The following SC5D variants were observed in gnomAD, a reference collection of about 807,000 sequenced individuals.
SC5D encodes sterol-C5-desaturase, also known as lathosterol oxidase.
A neutral mutation model predicts 23.9 loss-of-function variants in SC5D; 21 were observed. That is an observed-to-expected ratio of 0.88 (90% CI 0.62 to 1.26). SC5D has a LOEUF of 1.26. SC5D is among the 50% of genes most tolerant of loss of function. The pLI, the probability that SC5D is intolerant of heterozygous loss-of-function variation, is 0.00. For synonymous variants in SC5D, 113 were observed against 125.9 expected (o/e 0.90, Z 0.68); for missense variants, 309 against 364.8 (o/e 0.85, Z 1.25).
chr11:121,307,604 C>T lies in SC5D; in HGVS notation c.*92C>T. On this transcript the variant is annotated 3_prime_UTR_variant, in exon 5 of 5. Coordinates refer to ENST00000264027, the MANE Select transcript of SC5D (RefSeq NM_006918.5). The stretch of plus-strand genomic sequence containing the variant: ...AAGGAAAAAATAATATCCATACAGT[C>T]AAGATACATAGTAAATGGTATCATT... 3.7e-6 allele frequency: 3 copies of T among 808,794 alleles called. No homozygotes were observed. Among genetic ancestry groups the T allele is most frequent in the Non-Finnish European group, 5.8e-6 (3 of 520,826 alleles). 50.1% of individuals were successfully genotyped at this position (808,794 alleles called of 1,614,324 possible).
Position 121,310,378 on chromosome 11 carries a change from T to A in SC5D, c.*2866T>A, listed in dbSNP as rs1343043109. Among the ~76,000 whole-genome samples the A allele has an allele frequency of 6.6e-6, 1 of 151,918 alleles. No individual in the cohort carries two copies. The highest frequency in any genetic ancestry group is 1.5e-5 in the Non-Finnish European group (1 of 67,998). ...TAGAGGTGGGGCCTTGAGGAAGTGATTAAGTCATGAGGGCTCTGGGATTAA... is the reference window on the plus strand; with the variant it reads ...TAGAGGTGGGGCCTTGAGGAAGTGAATAAGTCATGAGGGCTCTGGGATTAA... On this transcript the variant is annotated 3_prime_UTR_variant, in exon 5 of 5. Coordinates refer to ENST00000264027, the MANE Select transcript of SC5D (RefSeq NM_006918.5).
chr11:121,300,206 C>A (rs905127964), intron 1 of SC5D, among the ~76,000 whole-genome samples: 11 of 152,174 alleles, frequency 7.2e-5, no homozygotes, highest in Non-Finnish European at 8.8e-5. Context: ...TGAGTTAAAG[C>A]TTTACAATAA....
At chr11:121,299,453 ATT>A (rs1229750687) in intron 1 of SC5D, among the ~76,000 whole-genome samples, 1 of 152,196 alleles carries the variant, frequency 6.6e-6, no homozygotes, top group African/African-American at 2.4e-5. Context: ...TACATTGTTT[ATT>A]GTCTGTACCA....
At chr11:121,301,793 G>A (rs1947928019) in intron 1 of SC5D, among the ~76,000 whole-genome samples, 1 of 151,924 alleles carries the variant, frequency 6.6e-6, no homozygotes, top group Non-Finnish European at 1.5e-5. Context: ...AACAAAAAAA[G>A]GAGGAGCATG....
rs75227463 is a variant in SC5D at position 121,309,464 on chromosome 11, G to A, written c.*1952G>A. ...TTCTTGAGCAGCTAGACAGTTTGCC[G>A]TATTTGTGGTGTTCTCCTCTTGTTG... On this transcript the variant is annotated 3_prime_UTR_variant, in exon 5 of 5. Transcript: ENST00000264027. Among the ~76,000 whole-genome samples, 160 of 152,228 alleles carry A rather than the reference G, an allele frequency of 1.1e-3. 1 individual carries two copies. Among genetic ancestry groups the A allele is most frequent in the African/African-American group, 3.5e-3 (145 of 41,512 alleles).
chr11:121,303,553 C>A lies in SC5D; in HGVS notation c.178C>A (p.His60Asn). Residue 60 changes from histidine (H) to asparagine (N), a missense_variant, in exon 2 of 5, where the codon CAT becomes AAT. Physicochemically the swap from His to Asn is moderately conservative, Grantham distance 68. Transcript: ENST00000264027. The stretch of plus-strand genomic sequence containing the variant: ...ACTGAGCTATTATTTTGTCTTCGAT[C>A]ATGCATTAATGAAACATCCACAATT... ...ATLSYYFVFD[H>N]ALMKHPQFLK... is the part of the protein sequence containing the mutation. 6.2e-7 allele frequency: 1 copy of A among 1,613,410 alleles called. No individual in the cohort carries two copies. Among genetic ancestry groups the A allele is most frequent in the Non-Finnish European group, 8.5e-7 (1 of 1,179,488 alleles).
At chr11:121,306,789 G>A in intron 4 of SC5D, 1 of 619,880 alleles carries the variant, frequency 1.6e-6, no homozygotes, top group Non-Finnish European at 2.9e-6. Flanking sequence ...TCCCTATTGG[G>A]TACAATGTGC....
intron 1 of SC5D, among the ~76,000 whole-genome samples, chr11:121,298,207 C>T (rs972893800): frequency 5.3e-5 from 8 of 152,140 alleles, no homozygotes; most frequent in African/African-American, 1.9e-4. Flanking sequence ...GTATATTGCC[C>T]AGGCTGTTCT....
chr11:121,300,966 C>T (rs1262213362), intron 1 of SC5D, among the ~76,000 whole-genome samples: 1 of 152,190 alleles, frequency 6.6e-6, no homozygotes, highest in Non-Finnish European at 1.5e-5. Context: ...TTACTTAACG[C>T]ACAGCAACAA....
At position 121,304,876 on chromosome 11, in the gene SC5D, G is replaced by A. The variant is rs754455282; in HGVS notation, c.343+383G>A. Reference sequence around the variant, plus strand: ...GCTTCTTAGAAACTGTAACTCTTCTGGCATACAACCACCCACTTTTCTGTG... The same window carrying A: ...GCTTCTTAGAAACTGTAACTCTTCTAGCATACAACCACCCACTTTTCTGTG... On this transcript the variant is annotated intron_variant, in intron 3 of 4. Coordinates refer to ENST00000264027, the MANE Select transcript of SC5D (RefSeq NM_006918.5). 171 of 232,738 alleles carry A rather than the reference G, an allele frequency of 7.3e-4. 2 individuals carry two copies. Among genetic ancestry groups the A allele is most frequent in the Non-Finnish European group, 1.7e-4 (20 of 116,482 alleles). The allele number at this position is 232,738 out of a possible 1,614,324, so 14.4% of individuals were successfully genotyped here.
rs959383306 is a variant in SC5D, at chr11:121,310,628, T to C, written c.*3116T>C. 2.2e-4 allele frequency among the ~76,000 whole-genome samples: 34 copies of C among 152,108 alleles called. No individual in the cohort carries two copies. The highest frequency in any genetic ancestry group is 8.2e-4 in the African/African-American group (34 of 41,510). ...GCCCGCCACCACCACGCCCGGCTAATTTTTTATATTTTTAGTAGAGATGGG... is the reference window on the plus strand; with the variant it reads ...GCCCGCCACCACCACGCCCGGCTAACTTTTTATATTTTTAGTAGAGATGGG... On this transcript the variant is annotated 3_prime_UTR_variant, in exon 5 of 5. Coordinates refer to ENST00000264027, the MANE Select transcript of SC5D (RefSeq NM_006918.5).
At chr11:121,301,628 G>A in intron 1 of SC5D, among the ~76,000 whole-genome samples, 1 of 152,128 alleles carries the variant, frequency 6.6e-6, no homozygotes, top group East Asian at 1.9e-4. Context: ...CAACAGTATA[G>A]GGTTGGGGTT....
rs531490092 is a variant in SC5D at position 121,308,265 on chromosome 11, A to C, written c.*753A>C. On this transcript the variant is annotated 3_prime_UTR_variant, in exon 5 of 5. Transcript: ENST00000264027. ...TGATTATTATTTAAAACCATTATTT[A>C]ATAAGAGTAAAAATATGTGAATCTG... is the stretch of plus-strand genomic sequence containing the variant. The C allele has an allele frequency of 6.6e-6, 1 of 152,360 alleles. No homozygotes were observed. Among genetic ancestry groups the C allele is most frequent in the South Asian group, 2.1e-4 (1 of 4,832 alleles). The allele number at this position is 152,360 out of a possible 1,614,324, so 9.4% of individuals were successfully genotyped here.
At chr11:121,296,173 A>G (rs1947887744) in intron 1 of SC5D, among the ~76,000 whole-genome samples, 2 of 152,132 alleles carry the variant, frequency 1.3e-5, no homozygotes, top group Admixed American at 1.3e-4. Context: ...CTAGCCTAGT[A>G]GTCCAGATTT....
chr11:121,299,344 A>T (rs1460222153), intron 1 of SC5D, among the ~76,000 whole-genome samples: 1 of 152,228 alleles, frequency 6.6e-6, no homozygotes, highest in Non-Finnish European at 1.5e-5. Flanking sequence ...GATGTAATGA[A>T]CATTTATTGC....
At position 121,307,412 on chromosome 11, in the gene SC5D, G is replaced by A; in HGVS notation, c.800G>A (p.Ser267Asn). ...TCCTTTGAGGGGAAGGGACCGCTCA[G>A]TTATGTGAAGGAGATGACAGAGGGA... ...PSSFEGKGPL[S>N]YVKEMTEGKR... Residue 267 changes from serine (S) to asparagine (N), a missense_variant, in exon 5 of 5, where the codon AGT (serine) becomes AAT (asparagine). Coordinates refer to ENST00000264027, the MANE Select transcript of SC5D (RefSeq NM_006918.5). 1 of 1,612,784 alleles carries A rather than the reference G, an allele frequency of 6.2e-7. No individual in the cohort carries two copies.
chr11:121,300,539 T>C (rs1267999180), intron 1 of SC5D, among the ~76,000 whole-genome samples: 1 of 152,236 alleles, frequency 6.6e-6, no homozygotes, highest in Non-Finnish European at 1.5e-5. Context: ...GAGTCATTAT[T>C]TACACATAAC....
In SC5D at chr11:121,311,002, A is replaced by G. The variant is rs990749713; in HGVS notation, c.*3490A>G. Among the ~76,000 whole-genome samples, 15 of 152,246 alleles carry G rather than the reference A, an allele frequency of 9.9e-5. No individual in the cohort carries two copies. Among genetic ancestry groups the G allele is most frequent in the African/African-American group, 3.6e-4 (15 of 41,458 alleles). ...ATTCCTGATCTTCCCAACTTCTTCA[A>G]ATTCACAACACTTGAATGACAGTCT... On this transcript the variant is annotated 3_prime_UTR_variant, in exon 5 of 5. Coordinates refer to ENST00000264027, the MANE Select transcript of SC5D (RefSeq NM_006918.5).
intron 1 of SC5D, among the ~76,000 whole-genome samples, chr11:121,298,048 G>A (rs1253468792): frequency 6.6e-6 from 1 of 152,118 alleles, no homozygotes; most frequent in African/African-American, 2.4e-5. Context: ...TGTTGCCCAG[G>A]CTGGAGTTCA....
Sources: gnomAD v4.1 joint callset for allele counts (sites outside exome capture counted in the v4.1 genomes callset) on GRCh38, gnomAD v4.1.1 for gene constraint, MANE v1.5 for transcripts, NCBI Gene and HGNC (gene_info 2026-07-23, HGNC 2026-07-21) for gene names.